TACR3: variants seen among roughly 807,000 people sequenced by gnomAD.
The protein encoded by TACR3 is neuromedin-K receptor.
TACR3 carries 34 observed loss-of-function variants against 35.0 expected under a neutral mutation model. The ratio of observed to expected loss-of-function variants is 0.97; its 90% CI spans 0.74 to 1.30. The LOEUF is 1.30. Ranked by LOEUF, TACR3 falls within the 50% of genes most tolerant of loss-of-function variation. The pLI is 0.00. For synonymous variants in TACR3, 233 were observed against 221.1 expected, an observed-to-expected ratio of 1.05 and a Z score of -0.48; for missense variants, 558 against 591.7, an observed-to-expected ratio of 0.94 and a Z score of 0.59.
At chr4:103,595,883 A>T (rs1723995555) in intron 3 of TACR3, among the ~76,000 whole-genome samples, 1 of 141,782 alleles carries the variant, frequency 7.1e-6, no homozygotes, top group Non-Finnish European at 1.5e-5. Flanking sequence ...TATATCTCCC[A>T]ATGCTATCCC....
intron 3 of TACR3, among the ~76,000 whole-genome samples, chr4:103,625,794 C>G (rs977920422): frequency 2.6e-5 from 4 of 151,864 alleles, no homozygotes; most frequent in Non-Finnish European, 5.9e-5. Flanking sequence ...TGTTGAAGTC[C>G]TAACCCCCAG....
intron 3 of TACR3, chr4:103,624,666 A>G (rs1379185553): frequency 6.6e-6 from 1 of 151,996 alleles, no homozygotes; most frequent in African/African-American, 2.4e-5. Flanking sequence ...AAATCTGAAG[A>G]GATTTACAGC....
At chr4:103,710,899 G>T (rs1176099790) in intron 1 of TACR3, among the ~76,000 whole-genome samples, 1 of 152,136 alleles carries the variant, frequency 6.6e-6, no homozygotes, top group Non-Finnish European at 1.5e-5. Context: ...TAGAAGAAAT[G>T]GATAAATTCC....
intron 3 of TACR3, among the ~76,000 whole-genome samples, chr4:103,609,954 A>AT (rs1724475945): frequency 6.6e-6 from 1 of 151,952 alleles, no homozygotes; most frequent in Non-Finnish European, 1.5e-5. Context: ...ATAAAAAATA[A>AT]TTTTTTATGA....
intron 2 of TACR3, among the ~76,000 whole-genome samples, chr4:103,657,482 A>G (rs1725754546): frequency 6.6e-6 from 1 of 152,088 alleles, no homozygotes; most frequent in Admixed American, 6.6e-5. Context: ...TGGGTAGAGC[A>G]AAGGTAGATA....
chr4:103,604,725 A>G (rs1199263827), intron 3 of TACR3, among the ~76,000 whole-genome samples: 3 of 152,292 alleles, frequency 2.0e-5, no homozygotes, highest in East Asian at 1.9e-4. Context: ...AAGTGGGCAA[A>G]GGATATGAAG....
chr4:103,681,190 T>C (rs1268721180), intron 1 of TACR3, among the ~76,000 whole-genome samples: 1 of 152,014 alleles, frequency 6.6e-6, no homozygotes, highest in African/African-American at 2.4e-5. Flanking sequence ...TCAGAGGCAG[T>C]CAAATCACAT....
At chr4:103,640,584 A>T (rs551200150) in intron 3 of TACR3, among the ~76,000 whole-genome samples, 47 of 152,060 alleles carry the variant, frequency 3.1e-4, no homozygotes, top group African/African-American at 9.2e-4. Context: ...TATAAGATGT[A>T]TGGTTTACAA....
intron 3 of TACR3, among the ~76,000 whole-genome samples, chr4:103,646,224 T>C (rs1009422880): frequency 6.6e-6 from 1 of 152,020 alleles, no homozygotes; most frequent in Non-Finnish European, 1.5e-5. Context: ...GAACCAATAT[T>C]AACCGCAACT....
At chr4:103,688,999 C>T (rs1313870209) in intron 1 of TACR3, among the ~76,000 whole-genome samples, 1 of 152,028 alleles carries the variant, frequency 6.6e-6, no homozygotes. Flanking sequence ...GGAACCAACA[C>T]AAATGTCCAA....
At chr4:103,646,094 T>G (rs1047274244) in intron 3 of TACR3, among the ~76,000 whole-genome samples, 1 of 152,022 alleles carries the variant, frequency 6.6e-6, no homozygotes, top group Non-Finnish European at 1.5e-5. Context: ...ATTGATATTT[T>G]TGTTATTGGT....
intron 1 of TACR3, among the ~76,000 whole-genome samples, chr4:103,684,881 T>C (rs1040189042): frequency 6.6e-6 from 1 of 151,744 alleles, no homozygotes; most frequent in Admixed American, 6.6e-5. Context: ...GGTGAACACC[T>C]GCAGTCCTAG....
At chr4:103,710,065 T>C (rs1722906542) in intron 1 of TACR3, among the ~76,000 whole-genome samples, 1 of 152,048 alleles carries the variant, frequency 6.6e-6, no homozygotes, top group Admixed American at 6.6e-5. Context: ...ATGCAAGACT[T>C]TAACACTCCC....
rs72943368 is a variant in TACR3 at position 103,591,090 on chromosome 4, C to A, written c.1085+397G>T. 9.8e-3 allele frequency: 2,513 copies of A among 257,276 alleles called. 53 individuals are homozygous for A. The highest frequency in any genetic ancestry group is 0.053 in the African/African-American group (2,337 of 43,762). 15.9% of individuals were successfully genotyped at this position (257,276 alleles called of 1,614,324 possible). ...AAAGTCCGCTCACATATGCCATCATCTCTCCATCTTATAGAAATTATTCAA... is the reference window on the plus strand; with the variant it reads ...AAAGTCCGCTCACATATGCCATCATATCTCCATCTTATAGAAATTATTCAA... On this transcript the variant is annotated intron_variant, in intron 4 of 4. Coordinates refer to ENST00000304883, the MANE Select transcript of TACR3 (RefSeq NM_001059.3).
At chr4:103,717,853 T>G (rs915747354) in intron 1 of TACR3, among the ~76,000 whole-genome samples, 32 of 152,094 alleles carry the variant, frequency 2.1e-4, no homozygotes, top group Admixed American at 6.5e-4. Flanking sequence ...TACATAGTAG[T>G]AATGAAGGGG....
chr4:103,642,861 G>A (rs142450050), intron 3 of TACR3, among the ~76,000 whole-genome samples: 1 of 151,818 alleles, frequency 6.6e-6, no homozygotes, highest in African/African-American at 2.4e-5. Flanking sequence ...TTGAGCTGAT[G>A]GATATACTAA....
intron 1 of TACR3, among the ~76,000 whole-genome samples, chr4:103,714,498 G>A (rs1238476662): frequency 6.6e-6 from 1 of 152,134 alleles, no homozygotes; most frequent in African/African-American, 2.4e-5. Context: ...ATTTTAGAAA[G>A]AGCCAAACAG....
At chr4:103,619,787 T>C (rs1724736583) in intron 3 of TACR3, among the ~76,000 whole-genome samples, 1 of 152,240 alleles carries the variant, frequency 6.6e-6, no homozygotes, top group African/African-American at 2.4e-5. Flanking sequence ...CAATATGATT[T>C]GTGCTATTGA....
chr4:103,591,942 T>C (rs1230848213), intron 3 of TACR3, among the ~76,000 whole-genome samples: 3 of 152,298 alleles, frequency 2.0e-5, no homozygotes, highest in Middle Eastern at 6.8e-3. Context: ...TATATTTTGA[T>C]TGGCCTGAAG....
Sources: allele counts gnomAD v4.1 joint callset (sites outside exome capture counted in the v4.1 genomes callset), GRCh38; gene constraint gnomAD v4.1.1; transcripts MANE v1.5; gene names NCBI Gene and HGNC (gene_info 2026-07-23, HGNC 2026-07-21).